The following PGD variants were observed in gnomAD, a reference collection of about 807,000 sequenced individuals.
The protein encoded by PGD is 6-phosphogluconate dehydrogenase, decarboxylating.
Under a neutral mutation model 60.4 loss-of-function variants are expected in PGD, and 21 were observed. The observed-to-expected ratio is 0.35, with a 90% CI of 0.25 to 0.50. The LOEUF (loss-of-function observed/expected upper bound fraction) is 0.50, where lower values mean the gene tolerates loss of function less well. PGD is among the 20% of genes least tolerant of loss of function. PGD has a pLI of 0.98. For missense variants in PGD, 477 were observed against 613.1 expected (o/e 0.78, Z 2.34); for synonymous variants, 230 against 235.9 (o/e 0.97, Z 0.23).
intron 11 of PGD, 72 bp downstream of exon 11, chr1:10,418,997 T>TG: frequency 2.1e-6 from 2 of 940,200 alleles, no homozygotes; most frequent in Non-Finnish European, 3.4e-6. Context: ...TTTGGTTTTT[T>TG]GTTTTTTTTT....
At chr1:10,401,707 G>T (rs1404181140) in intron 3 of PGD, among the ~76,000 whole-genome samples, 1 of 152,146 alleles carries the variant, frequency 6.6e-6, no homozygotes, top group African/African-American at 2.4e-5. Context: ...CTTGTAGGGG[G>T]AAGATTGAAT....
intron 10 of PGD, among the ~76,000 whole-genome samples, chr1:10,417,801 C>T (rs1490546388): frequency 6.6e-6 from 1 of 152,162 alleles, no homozygotes; most frequent in East Asian, 1.9e-4. Context: ...CCTCTGCCTC[C>T]CGGGTTCAAG....
In PGD at chr1:10,413,206, A is replaced by T. The variant is rs573041776; in HGVS notation, c.799A>T (p.Thr267Ser). The change falls in exon 8 of 13, where the codon ACC becomes TCC. Residue 267 changes from threonine (T) to serine (S), a missense_variant. Around this residue, in one of 3 missense-constraint regions of PGD, gnomAD observed 431 missense variants for 556.6 expected, o/e 0.77. Coordinates refer to ENST00000270776, the MANE Select transcript of PGD (RefSeq NM_002631.4). ...GGGGCAGAAGGGCACAGGGAAGTGGACCGCCATCTCCGCCCTGGAATACGG... is the reference window on the plus strand; with the variant it reads ...GGGGCAGAAGGGCACAGGGAAGTGGTCCGCCATCTCCGCCCTGGAATACGG... ...SAGQKGTGKW[T>S]AISALEYGVP... 5 of 1,614,182 alleles carry T rather than the reference A, an allele frequency of 3.1e-6. No individual in the cohort carries two copies. The African/African-American group carries it at 6.7e-5, about 22-fold the overall frequency.
intron 2 of PGD, 37 bp from the exon 3 acceptor site, chr1:10,400,356 G>A: frequency 6.7e-7 from 1 of 1,500,244 alleles, no homozygotes; most frequent in Non-Finnish European, 9.2e-7. Flanking sequence ...AGTCTTGTGT[G>A]TCCTGGATCT....
chr1:10,400,370 A>G, intron 2 of PGD, 23 bp from the exon 3 acceptor site: 4 of 1,572,776 alleles, frequency 2.5e-6, no homozygotes, highest in Non-Finnish European at 3.5e-6. Context: ...TGGATCTCCT[A>G]CTCAGGACTT....
intron 10 of PGD, among the ~76,000 whole-genome samples, chr1:10,418,004 G>T (rs563440815): frequency 6.6e-6 from 1 of 152,308 alleles, no homozygotes; most frequent in South Asian, 2.1e-4. Context: ...GAGCCACTGC[G>T]CCCGGCTCCG....
rs114483893 is a variant in PGD at position 10,412,133 on chromosome 1, C to T, written c.654+581C>T. On this transcript the variant is annotated intron_variant, in intron 7 of 12. Transcript: ENST00000270776. The stretch of plus-strand genomic sequence containing the variant: ...TTTTGGATACATTCAAAGTAAACTG[C>T]AGGTATCCATACTTTTGTTTTCCCT... Among the ~76,000 whole-genome samples, 1,175 of 152,326 alleles carry T rather than the reference C, an allele frequency of 7.7e-3. 14 individuals carry two copies. The highest frequency in any genetic ancestry group is 0.027 in the African/African-American group (1,104 of 41,566).
intron 6 of PGD, among the ~76,000 whole-genome samples, chr1:10,409,439 C>G (rs911286266): frequency 6.6e-6 from 1 of 151,980 alleles, no homozygotes; most frequent in African/African-American, 2.4e-5. Flanking sequence ...ACCTCTGTTC[C>G]CTGACAGTAG....
chr1:10,420,139 G>C lies in PGD; in HGVS notation c.*390G>C, dbSNP rs11547608. On this transcript the variant is annotated 3_prime_UTR_variant, in exon 13 of 13. Coordinates refer to ENST00000270776, the MANE Select transcript of PGD (RefSeq NM_002631.4). ...CCTTTACTCAATAAAAGCTACATCA[G>C]ACTGATGCTCTTTCTCCAGATTCTT... The C allele has an allele frequency of 0.019, 3,221 of 167,478 alleles. 45 individuals carry two copies. The highest frequency in any genetic ancestry group is 0.028 in the Non-Finnish European group (2,160 of 76,788). 10.4% of individuals were successfully genotyped at this position (167,478 alleles called of 1,614,324 possible).
intron 6 of PGD, 70 bp from the exon 7 acceptor site, chr1:10,411,348 A>C: frequency 1.3e-6 from 2 of 1,575,318 alleles, no homozygotes; most frequent in South Asian, 2.2e-5. Flanking sequence ...TTGGCATGAA[A>C]GCTGATGTGG....
At chr1:10,418,795 C>G in intron 10 of PGD, 31 bp from the exon 11 acceptor site, 1 of 1,104,824 alleles carries the variant, frequency 9.1e-7, no homozygotes, top group Non-Finnish European at 1.3e-6. Context: ...AAAAAAGACT[C>G]ATTGCTTTTT....
intron 5 of PGD, among the ~76,000 whole-genome samples, chr1:10,406,310 G>A (rs1030072743): frequency 1.3e-5 from 2 of 152,004 alleles, no homozygotes; most frequent in African/African-American, 4.8e-5. Context: ...AGCTATTCAG[G>A]AGACTGAGGT....
intron 1 of PGD, 93 bp downstream of exon 1, chr1:10,399,218 C>G (rs1639266277): frequency 6.9e-7 from 1 of 1,443,908 alleles, no homozygotes; most frequent in Admixed American, 1.8e-5. Flanking sequence ...CGACGCCTCC[C>G]ACCCTGGGGG....
Position 10,418,738 on chromosome 1 carries a change from C to G in PGD, c.1110-88C>G, listed in dbSNP as rs372295929. ...TGCTGTGAGCTGAGATCGTGCCACT[C>G]CACTCCAGCCTGGTGACAAAGCGGG... On this transcript the variant is annotated intron_variant, in intron 10 of 12. Transcript: ENST00000270776. The G allele has an allele frequency of 1.6e-4, 118 of 747,324 alleles. No homozygotes were observed. The African/African-American group carries it at 1.7e-3, about 11-fold the overall frequency. 46.3% of individuals were successfully genotyped at this position (747,324 alleles called of 1,614,324 possible). A position where few individuals can be genotyped will look rare whatever the true frequency, so the allele number is the denominator to read the frequency against.
At chr1:10,417,190 G>A (rs1182487747) in intron 9 of PGD, 73 bp downstream of exon 9, 3 of 1,554,018 alleles carry the variant, frequency 1.9e-6, no homozygotes, top group Admixed American at 3.4e-5. Flanking sequence ...TGTGGTGGGA[G>A]AACACTCGAG....
At chr1:10,405,410 A>ACG (rs2102388661) in intron 5 of PGD, among the ~76,000 whole-genome samples, 1 of 148,646 alleles carries the variant, frequency 6.7e-6, no homozygotes, top group East Asian at 2.0e-4. Context: ...ATACACACAC[A>ACG]CACACACACA....
intron 2 of PGD, 34 bp from the exon 3 acceptor site, chr1:10,400,359 C>T (rs778915287): frequency 6.6e-7 from 1 of 1,515,718 alleles, no homozygotes; most frequent in Non-Finnish European, 9.1e-7. Context: ...CTTGTGTGTC[C>T]TGGATCTCCT....
rs749202787 is a variant in PGD, at chr1:10,399,637, T to G, written c.17T>G (p.Ile6Ser). The change falls in exon 2 of 13, where the codon ATC becomes AGC. Residue 6 changes from isoleucine to serine, a missense_variant. By Grantham distance (142) the Ile-to-Ser change is moderately radical. Transcript: ENST00000270776. MAQAD[I>S]ALIGLAVMGQ... ...TGTTTCTGCCTCTCTAGAGCTGACA[T>G]CGCGCTGATCGGATTGGCCGTCATG... is the stretch of plus-strand genomic sequence containing the variant. 1.2e-6 allele frequency: 2 copies of G among 1,613,892 alleles called. No individual in the cohort carries two copies. Among genetic ancestry groups the G allele is most frequent in the East Asian group, 2.2e-5 (1 of 44,878 alleles).
intron 1 of PGD, 108 bp downstream of exon 1, chr1:10,399,233 C>T: frequency 4.6e-6 from 6 of 1,301,132 alleles, no homozygotes; most frequent in Non-Finnish European, 5.4e-6. Flanking sequence ...TGGGGGTCGC[C>T]TGAGCTCACT....
Sources: gnomAD v4.1 joint callset for allele counts (sites outside exome capture counted in the v4.1 genomes callset) on GRCh38, gnomAD v4.1.1 for gene constraint, gnomAD v4.1.1 regional missense constraint, MANE v1.5 for transcripts, NCBI Gene and HGNC (gene_info 2026-07-23, HGNC 2026-07-21) for gene names.